USP3: variants seen among roughly 807,000 people sequenced by gnomAD.
The protein encoded by USP3 is ubiquitin carboxyl-terminal hydrolase 3.
In USP3, 20 loss-of-function variants were observed where a neutral mutation model predicts 72.3. The observed-to-expected ratio is 0.28, with a 90% CI of 0.19 to 0.40. The LOEUF (loss-of-function observed/expected upper bound fraction) is 0.40, where lower values mean the gene tolerates loss of function less well. USP3 is among the 10% of genes least tolerant of loss of function. USP3 has a pLI of 1.00. For synonymous variants in USP3, 222 were observed against 225.3 expected, an observed-to-expected ratio of 0.99 and a Z score of 0.13; for missense variants, 479 against 633.9, an observed-to-expected ratio of 0.76 and a Z score of 2.62.
chr15:63,535,628 G>T (rs1330952606), intron 2 of USP3, among the ~76,000 whole-genome samples: 1 of 152,116 alleles, frequency 6.6e-6, no homozygotes, highest in Non-Finnish European at 1.5e-5. Flanking sequence ...ATGAACAGAG[G>T]ACTCAGGTAT....
At chr15:63,516,234 C>G (rs2065848806) in intron 1 of USP3, among the ~76,000 whole-genome samples, 1 of 152,164 alleles carries the variant, frequency 6.6e-6, no homozygotes, top group Non-Finnish European at 1.5e-5. Flanking sequence ...TTAACCCATT[C>G]AACGGATTAG....
chr15:63,521,548 A>G (rs949841925), intron 1 of USP3, among the ~76,000 whole-genome samples: 1 of 152,130 alleles, frequency 6.6e-6, no homozygotes, highest in African/African-American at 2.4e-5. Flanking sequence ...CTGTTGGGAA[A>G]CCTTGAAATT....
rs1345056717 is a variant in USP3, at chr15:63,574,739, T to C, written c.1096+336T>C. On this transcript the variant is annotated intron_variant, in intron 11 of 14. Coordinates refer to ENST00000380324, the MANE Select transcript of USP3 (RefSeq NM_006537.4). The surrounding 1 kb of genome is among the most constrained non-coding windows in gnomAD (Gnocchi z 4.6). ...CACTAGCATCTATAGGAAGAAAGAA[T>C]ACTCAGCAGAGTTTTATAAATTATA... Among the ~76,000 whole-genome samples, 2 of 152,366 alleles carry C rather than the reference T, an allele frequency of 1.3e-5. No homozygotes were observed. Among genetic ancestry groups the C allele is most frequent in the East Asian group, 3.8e-4 (2 of 5,196 alleles).
intron 1 of USP3, among the ~76,000 whole-genome samples, chr15:63,522,155 C>T (rs906760164): frequency 6.6e-6 from 1 of 152,220 alleles, no homozygotes; most frequent in Non-Finnish European, 1.5e-5. Context: ...GGATTACAGG[C>T]ATGAGCCACT....
In USP3 at chr15:63,588,256, C is replaced by G; in HGVS notation, c.1097-49C>G. 7.1e-7 allele frequency: 1 copy of G among 1,410,180 alleles called. No homozygotes were observed. The highest frequency in any genetic ancestry group is 2.2e-5 in the Admixed American group (1 of 45,484). 87.4% of individuals were successfully genotyped at this position (1,410,180 alleles called of 1,614,324 possible). A position where few individuals can be genotyped will look rare whatever the true frequency, so the allele number is the denominator to read the frequency against. On this transcript the variant is annotated intron_variant, in intron 11 of 14. Coordinates refer to ENST00000380324, the MANE Select transcript of USP3 (RefSeq NM_006537.4). This position sits in a 1 kb window ranked among gnomAD's most constrained non-coding sequence, Gnocchi z 4.6. ...GGGTCTTTTTTCTACAGTACATTGC[C>G]TCTACAAAAGGCATCTTGTTTTAAT...
intron 2 of USP3, chr15:63,533,936 A>G (rs1295141436): frequency 9.6e-7 from 1 of 1,041,532 alleles, no homozygotes; most frequent in African/African-American, 1.7e-5. Flanking sequence ...TTATAATGCA[A>G]TAAAATTTAT....
In USP3 at chr15:63,516,290, C is replaced by A. The variant is rs894011567; in HGVS notation, c.91+11460C>A. On this transcript the variant is annotated intron_variant, in intron 1 of 14. Coordinates refer to ENST00000380324, the MANE Select transcript of USP3 (RefSeq NM_006537.4). Reference sequence around the variant, plus strand: ...CTTTTCTAAAATCCTTTCCAGAGCCCTCTGACCTCTGCTGTCATTTGAAAT... The same window carrying A: ...CTTTTCTAAAATCCTTTCCAGAGCCATCTGACCTCTGCTGTCATTTGAAAT... Among the ~76,000 whole-genome samples, 3 of 152,174 alleles carry A rather than the reference C, an allele frequency of 2.0e-5. No homozygotes were observed. The East Asian group carries it at 5.8e-4, about 29-fold the overall frequency.
At chr15:63,549,338 G>T (rs916010807) in intron 3 of USP3, among the ~76,000 whole-genome samples, 2 of 152,154 alleles carry the variant, frequency 1.3e-5, no homozygotes, top group Non-Finnish European at 2.9e-5. Flanking sequence ...TCCAGTATTT[G>T]TATCTGTATT....
chr15:63,535,092 G>A (rs1395859887), intron 2 of USP3, among the ~76,000 whole-genome samples: 1 of 151,998 alleles, frequency 6.6e-6, no homozygotes, highest in Non-Finnish European at 1.5e-5. Flanking sequence ...CACCAACCAT[G>A]GCTAATTGTT....
At chr15:63,541,828 G>A (rs748021846) in intron 3 of USP3, among the ~76,000 whole-genome samples, 1 of 152,068 alleles carries the variant, frequency 6.6e-6, no homozygotes, top group Admixed American at 6.5e-5. Context: ...ATATCAAAAT[G>A]TCTTAGAAGT....
rs1284836268 is a variant in USP3, at chr15:63,528,568, T to C, written c.92-4079T>C. Among the ~76,000 whole-genome samples, 1 of 152,150 alleles carries C rather than the reference T, an allele frequency of 6.6e-6. No homozygotes were observed. The highest frequency in any genetic ancestry group is 1.9e-4 in the East Asian group (1 of 5,194). ...ATATTTTTATTACTGTGTGGTTTTA[T>C]TGTGTGGGTATCAGTATGTGTGTGT... On this transcript the variant is annotated intron_variant, in intron 1 of 14. Coordinates refer to ENST00000380324, the MANE Select transcript of USP3 (RefSeq NM_006537.4). This position sits in a 1 kb window ranked among gnomAD's most constrained non-coding sequence, Gnocchi z 4.3.
intron 1 of USP3, among the ~76,000 whole-genome samples, chr15:63,527,085 T>C (rs1045712705): frequency 9.9e-5 from 15 of 152,152 alleles, no homozygotes; most frequent in African/African-American, 2.9e-4. Flanking sequence ...TTAGTAGATA[T>C]GGGGTTTCCC....
intron 3 of USP3, among the ~76,000 whole-genome samples, chr15:63,545,769 G>A (rs997202857): frequency 1.3e-5 from 2 of 151,736 alleles, no homozygotes; most frequent in African/African-American, 2.4e-5. Flanking sequence ...CCAAGAGTTC[G>A]AGACTAGCCT....
At position 63,529,726 on chromosome 15, in the gene USP3, G is replaced by A. The variant is rs186195505; in HGVS notation, c.92-2921G>A. 4.6e-5 allele frequency among the ~76,000 whole-genome samples: 7 copies of A among 152,290 alleles called. No individual in the cohort carries two copies. Among genetic ancestry groups the A allele is most frequent in the African/African-American group, 1.7e-4 (7 of 41,560 alleles). ...GTGAGGAAGAAAGGAACACTTGGTA[G>A]GAAACATACCCAAAGCAAAGTCACA... On this transcript the variant is annotated intron_variant, in intron 1 of 14. Transcript: ENST00000380324. The surrounding 1 kb of genome is among the most constrained non-coding windows in gnomAD (Gnocchi z 4.2).
intron 1 of USP3, among the ~76,000 whole-genome samples, chr15:63,517,189 A>G (rs1416658615): frequency 6.6e-6 from 1 of 152,056 alleles, no homozygotes; most frequent in African/African-American, 2.4e-5. Flanking sequence ...TCCTAATGCT[A>G]TCCCTCCCCA....
At chr15:63,508,867 C>T (rs2065747623) in intron 1 of USP3, among the ~76,000 whole-genome samples, 1 of 152,282 alleles carries the variant, frequency 6.6e-6, no homozygotes, top group Admixed American at 6.5e-5. Context: ...GAGAGTGCCT[C>T]TTTAAGTTTT....
intron 3 of USP3, among the ~76,000 whole-genome samples, chr15:63,541,022 T>C (rs887591013): frequency 4.6e-5 from 7 of 152,188 alleles, no homozygotes; most frequent in Non-Finnish European, 1.0e-4. Context: ...CTTTGGTTTT[T>C]TTATGGAGGT....
intron 8 of USP3, among the ~76,000 whole-genome samples, chr15:63,563,801 C>T (rs2066645149): frequency 6.6e-6 from 1 of 152,190 alleles, no homozygotes; most frequent in African/African-American, 2.4e-5. Context: ...TAAACTTAGT[C>T]ATCTATCTTG....
chr15:63,546,612 T>G (rs1439347987), intron 3 of USP3, among the ~76,000 whole-genome samples: 3 of 152,196 alleles, frequency 2.0e-5, no homozygotes, highest in Non-Finnish European at 2.9e-5. Flanking sequence ...TTATTTTATT[T>G]TTTGTGAGAT....
Sources: allele counts gnomAD v4.1 joint callset (sites outside exome capture counted in the v4.1 genomes callset), GRCh38; gene constraint gnomAD v4.1.1; non-coding constraint Gnocchi (gnomAD v3.1); transcripts MANE v1.5; gene names NCBI Gene and HGNC (gene_info 2026-07-23, HGNC 2026-07-21).